Variants in PTPRN2 observed in about 807,000 individuals in gnomAD.
PTPRN2 encodes the protein protein tyrosine phosphatase receptor type N2.
Under a neutral mutation model 118.8 loss-of-function variants are expected in PTPRN2, and 74 were observed. The ratio of observed to expected loss-of-function variants is 0.62; its 90% CI spans 0.52 to 0.76. The LOEUF is 0.76. Ranked by LOEUF, PTPRN2 falls within the 30% of genes least tolerant of loss-of-function variation. PTPRN2 has a pLI of 0.00. For missense variants in PTPRN2, 1,481 were observed against 1,394.4 expected (o/e 1.06, Z -0.99); for synonymous variants, 641 against 608.0 (o/e 1.05, Z -0.80).
chr7:158,010,307 G>A (rs1369247), intron 11 of PTPRN2, among the ~76,000 whole-genome samples: 128,519 of 152,162 alleles, frequency 0.84, 54,350 homozygotes, highest in East Asian at 0.88. Flanking sequence ...GGCCTCAGAC[G>A]TTGTAGGTGC....
At chr7:158,283,127 A>T (rs1799538725) in intron 3 of PTPRN2, among the ~76,000 whole-genome samples, 1 of 152,240 alleles carries the variant, frequency 6.6e-6, no homozygotes, top group Non-Finnish European at 1.5e-5. Context: ...ATGTCAGGGG[A>T]AGACGCATTC....
chr7:158,450,594 G>A (rs1403869971), intron 2 of PTPRN2, among the ~76,000 whole-genome samples: 1 of 152,158 alleles, frequency 6.6e-6, no homozygotes, highest in Non-Finnish European at 1.5e-5. Context: ...TCACGGCCGC[G>A]CCTGCCTCTG....
chr7:158,269,352 G>A (rs118105289), intron 3 of PTPRN2, among the ~76,000 whole-genome samples: 8 of 152,328 alleles, frequency 5.3e-5, no homozygotes, highest in South Asian at 4.1e-4. Context: ...CTCAGGAGGC[G>A]CGGCCATCCC....
At chr7:158,053,349 C>A (rs1410739068) in intron 11 of PTPRN2, among the ~76,000 whole-genome samples, 3 of 152,170 alleles carry the variant, frequency 2.0e-5, no homozygotes, top group Admixed American at 6.5e-5. Context: ...GGAGGGCCTG[C>A]AGGCACCACT....
At chr7:157,804,074 A>C (rs1481878621) in intron 12 of PTPRN2, among the ~76,000 whole-genome samples, 1 of 152,268 alleles carries the variant, frequency 6.6e-6, no homozygotes, top group East Asian at 1.9e-4. Context: ...GTTAAAATTA[A>C]AGAGGATCTT....
At chr7:158,005,476 C>A (rs1011162872) in intron 11 of PTPRN2, among the ~76,000 whole-genome samples, 1 of 152,196 alleles carries the variant, frequency 6.6e-6, no homozygotes, top group Non-Finnish European at 1.5e-5. Flanking sequence ...AGAAAGGTCA[C>A]TAAGCAAAAG....
chr7:158,528,080 G>A (rs1563399448), intron 1 of PTPRN2, among the ~76,000 whole-genome samples: 1 of 152,264 alleles, frequency 6.6e-6, no homozygotes, highest in African/African-American at 2.4e-5. Context: ...GTGTTCCTGT[G>A]TTGTGTGAGC....
intron 3 of PTPRN2, among the ~76,000 whole-genome samples, chr7:158,293,998 T>G (rs1323186203): frequency 6.6e-6 from 1 of 152,222 alleles, no homozygotes; most frequent in African/African-American, 2.4e-5. Flanking sequence ...AAAGAGTGCA[T>G]TCTAAAATAA....
intron 12 of PTPRN2, among the ~76,000 whole-genome samples, chr7:157,743,729 T>C (rs952770081): frequency 6.6e-6 from 1 of 152,050 alleles, no homozygotes; most frequent in African/African-American, 2.4e-5. Context: ...AGTCCGTGGC[T>C]GGGATAGCTA....
chr7:157,903,080 CCA>C lies in PTPRN2; in HGVS notation c.1724-4345_1724-4344del, dbSNP rs534895454. 1.6e-3 allele frequency among the ~76,000 whole-genome samples: 239 copies of C among 152,248 alleles called. 1 individual carries two copies. Among genetic ancestry groups the C allele is most frequent in the African/African-American group, 5.5e-3 (227 of 41,540 alleles). On this transcript the variant is annotated intron_variant, in intron 11 of 22. Coordinates refer to ENST00000389418, the MANE Select transcript of PTPRN2 (RefSeq NM_002847.5). This position sits in a 1 kb window ranked among gnomAD's most constrained non-coding sequence, Gnocchi z 4.2. ...CGCAAAAGCAGAAAGCCACACGCTG[CCA>C]CACACTCTCACACGGAAGCAGGAAC... is the stretch of plus-strand genomic sequence containing the variant.
chr7:158,118,796 A>G (rs1816925692), intron 9 of PTPRN2, among the ~76,000 whole-genome samples: 1 of 152,112 alleles, frequency 6.6e-6, no homozygotes, highest in Non-Finnish European at 1.5e-5. Flanking sequence ...CAACCTTTCC[A>G]GGCTCAGGTG....
rs1474672778 is a variant in PTPRN2, at chr7:157,690,979, C to T, written c.1789-8042G>A. Among the ~76,000 whole-genome samples, 1 of 145,984 alleles carries T rather than the reference C, an allele frequency of 6.9e-6. No individual in the cohort carries two copies. Among genetic ancestry groups the T allele is most frequent in the Admixed American group, 6.8e-5 (1 of 14,804 alleles). On this transcript the variant is annotated intron_variant, in intron 12 of 22. Coordinates refer to ENST00000389418, the MANE Select transcript of PTPRN2 (RefSeq NM_002847.5). This position sits in a 1 kb window ranked among gnomAD's most constrained non-coding sequence, Gnocchi z 7.1. ...CGCGCGTAGCACCAACCAGCGCGGC[C>T]GCCGCGCCCCGCCTTATATCCGGCC...
chr7:158,190,865 A>G (rs1585796191), intron 5 of PTPRN2, among the ~76,000 whole-genome samples: 1 of 152,386 alleles, frequency 6.6e-6, no homozygotes, highest in East Asian at 1.9e-4. Context: ...ATCCTCCTGA[A>G]GAGGCAAGGC....
chr7:158,082,434 C>G (rs547454162), intron 10 of PTPRN2, among the ~76,000 whole-genome samples: 1 of 152,210 alleles, frequency 6.6e-6, no homozygotes, highest in Non-Finnish European at 1.5e-5. Context: ...TGGTCTTCCT[C>G]CTTGGGATTT....
intron 11 of PTPRN2, among the ~76,000 whole-genome samples, chr7:158,018,143 T>G (rs183343395): frequency 6.6e-6 from 1 of 152,288 alleles, no homozygotes; most frequent in Non-Finnish European, 1.5e-5. Flanking sequence ...GAAGGGAATT[T>G]AAAAGGACCA....
At chr7:157,996,927 T>C (rs1035135307) in intron 11 of PTPRN2, among the ~76,000 whole-genome samples, 3 of 152,012 alleles carry the variant, frequency 2.0e-5, no homozygotes, top group African/African-American at 7.2e-5. Context: ...GGGGCGGGTG[T>C]GGGGAGGCAC....
At chr7:158,578,619 T>C (rs1446231229) in intron 1 of PTPRN2, among the ~76,000 whole-genome samples, 1 of 151,886 alleles carries the variant, frequency 6.6e-6, no homozygotes, top group Non-Finnish European at 1.5e-5. Flanking sequence ...TGCCGACTGT[T>C]GGGTTTATGA....
At chr7:157,602,414 C>G (rs1796281) in intron 16 of PTPRN2, among the ~76,000 whole-genome samples, 20 of 149,662 alleles carry the variant, frequency 1.3e-4, no homozygotes, top group Admixed American at 1.3e-3. Flanking sequence ...CCAGCAGAGC[C>G]GAGAGCTGAG....
In PTPRN2 at chr7:158,145,105, T is replaced by C. The variant is rs200268438; in HGVS notation, c.911-6590A>G. Among the ~76,000 whole-genome samples the C allele has an allele frequency of 8.1e-3, 428 of 52,788 alleles. 14 individuals carry two copies. Among genetic ancestry groups the C allele is most frequent in the African/African-American group, 0.028 (304 of 10,810 alleles). 34.6% of individuals were successfully genotyped at this position (52,788 alleles called of 152,430 possible). A position where few individuals can be genotyped will look rare whatever the true frequency, so the allele number is the denominator to read the frequency against. On this transcript the variant is annotated intron_variant, in intron 6 of 22. Coordinates refer to ENST00000389418, the MANE Select transcript of PTPRN2 (RefSeq NM_002847.5). ...TCCAGAATACCACGGCTCGGCAAGG[T>C]TTCCCTCACATCATCGCGAGAAGGT...
Sources: allele counts gnomAD v4.1 joint callset (sites outside exome capture counted in the v4.1 genomes callset), GRCh38; gene constraint gnomAD v4.1.1; non-coding constraint Gnocchi (gnomAD v3.1); transcripts MANE v1.5; gene names NCBI Gene and HGNC (gene_info 2026-07-23, HGNC 2026-07-21).